MAST2: variants seen among roughly 807,000 people sequenced by gnomAD.
MAST2 encodes the protein microtubule-associated serine/threonine-protein kinase 2.
MAST2 carries 70 observed loss-of-function variants against 147.4 expected under a neutral mutation model. The observed-to-expected ratio is 0.47, with a 90% confidence interval of 0.39 to 0.58. MAST2 has a LOEUF of 0.58. MAST2 is among the 20% of genes least tolerant of loss of function. MAST2 has a pLI of 0.00. For synonymous variants in MAST2, 869 were observed against 896.8 expected (o/e 0.97, Z 0.55); for missense variants, 2,080 against 2,302.3 (o/e 0.90, Z 1.98).
At chr1:45,916,486 A>G (rs747358867) in intron 4 of MAST2, among the ~76,000 whole-genome samples, 3 of 152,212 alleles carry the variant, frequency 2.0e-5, no homozygotes, top group African/African-American at 4.8e-5. Context: ...AGGACTTAAC[A>G]TATCAAAATG....
chr1:46,035,993 G>GC lies in MAST2; in HGVS notation c.5326dup (p.Gln1776ProfsTer18). The stretch of plus-strand genomic sequence containing the variant: ...AAGTCTGAGCCCAGCCTCAGGAGGG[G>GC]CCAAGAACCAGGGGGCCATCAAAAG... On this transcript the variant is annotated frameshift_variant, in exon 29 of 29. Transcript: ENST00000361297. LOFTEE classifies it high-confidence loss of function. This position sits in a 1 kb window ranked among gnomAD's most constrained non-coding sequence, Gnocchi z 5.5. 1 of 1,613,694 alleles carries GC rather than the reference G, an allele frequency of 6.2e-7. No individual in the cohort carries two copies. Among genetic ancestry groups the GC allele is most frequent in the Non-Finnish European group, 8.5e-7 (1 of 1,180,026 alleles).
At chr1:45,833,673 G>A (rs1441544640) in intron 3 of MAST2, among the ~76,000 whole-genome samples, 1 of 152,102 alleles carries the variant, frequency 6.6e-6, no homozygotes, top group Non-Finnish European at 1.5e-5. Context: ...TTTCTCTAGT[G>A]ACTCATGATG....
chr1:45,971,745 A>G (rs772758561), intron 5 of MAST2, among the ~76,000 whole-genome samples: 5 of 152,224 alleles, frequency 3.3e-5, no homozygotes, highest in African/African-American at 1.2e-4. Flanking sequence ...TAGATTGTTT[A>G]TACTTTTCCA....
intron 16 of MAST2, 128 bp downstream of exon 16, chr1:46,025,943 A>C: frequency 8.2e-7 from 1 of 1,223,630 alleles, no homozygotes; most frequent in Non-Finnish European, 1.2e-6. Flanking sequence ...GTGTGTGTCC[A>C]TCTGGGCCTA....
At chr1:45,937,573 A>C (rs1656436155) in intron 4 of MAST2, among the ~76,000 whole-genome samples, 1 of 152,014 alleles carries the variant, frequency 6.6e-6, no homozygotes, top group Non-Finnish European at 1.5e-5. Context: ...AACGTGGTGA[A>C]GCCCCGTCTC....
intron 5 of MAST2, among the ~76,000 whole-genome samples, chr1:45,991,514 C>A (rs1644854338): frequency 6.6e-6 from 1 of 152,166 alleles, no homozygotes; most frequent in Non-Finnish European, 1.5e-5. Flanking sequence ...CCATTATGAT[C>A]ATGCAAGTCT....
chr1:45,830,475 A>G (rs1267194474), intron 3 of MAST2, among the ~76,000 whole-genome samples: 6 of 152,078 alleles, frequency 3.9e-5, no homozygotes, highest in Non-Finnish European at 1.5e-5. Context: ...GCCTGGCCCA[A>G]TTAAGTCTAT....
At chr1:45,886,588 A>G (rs956204959) in intron 4 of MAST2, among the ~76,000 whole-genome samples, 3 of 152,296 alleles carry the variant, frequency 2.0e-5, no homozygotes, top group Admixed American at 2.0e-4. Flanking sequence ...TGCATTAAAA[A>G]TGTAGTTTAG....
intron 10 of MAST2, among the ~76,000 whole-genome samples, chr1:46,016,617 C>A (rs1317434599): frequency 6.6e-6 from 1 of 152,164 alleles, no homozygotes; most frequent in Non-Finnish European, 1.5e-5. Context: ...ATCCAACTTA[C>A]AAGGGACGTG....
chr1:45,961,792 T>G (rs1483142609), intron 5 of MAST2, among the ~76,000 whole-genome samples: 1 of 152,136 alleles, frequency 6.6e-6, no homozygotes, highest in African/African-American at 2.4e-5. Flanking sequence ...TTTATTATAC[T>G]TTAAGTTCTA....
chr1:45,917,978 G>A (rs1449670764), intron 4 of MAST2, among the ~76,000 whole-genome samples: 7 of 152,104 alleles, frequency 4.6e-5, no homozygotes, highest in African/African-American at 1.7e-4. Context: ...AACATTATTT[G>A]ATTACGTACT....
chr1:46,030,669 G>C lies in MAST2; in HGVS notation c.2616G>C (p.Lys872Asn). The C allele has an allele frequency of 1.2e-6, 2 of 1,611,734 alleles. No homozygotes were observed. The highest frequency in any genetic ancestry group is 2.2e-5 in the South Asian group (2 of 90,466). ...AGCGCCGGACACCACCCCCGACCAA[G>C]CGCAGCCTGAGTGAGGAGAAGGAGG... ...LEERRTPPPT[K>N]RSLSEEKEDH... is the part of the protein sequence containing the mutation. Residue 872 changes from lysine (K) to asparagine (N), a missense_variant, in exon 22 of 29, where the codon AAG becomes AAC. Transcript: ENST00000361297.
chr1:45,953,410 A>G (rs1039496646), intron 4 of MAST2, among the ~76,000 whole-genome samples: 1 of 152,188 alleles, frequency 6.6e-6, no homozygotes, highest in Non-Finnish European at 1.5e-5. Flanking sequence ...AAAACCTCCT[A>G]TGCCCTGTGT....
chr1:45,837,468 A>T (rs1645137825), intron 3 of MAST2, among the ~76,000 whole-genome samples: 2 of 152,184 alleles, frequency 1.3e-5, no homozygotes. Context: ...TTTATTGCTG[A>T]AAAGTGTTCC....
At chr1:45,939,319 A>G (rs116663247) in intron 4 of MAST2, among the ~76,000 whole-genome samples, 6 of 152,134 alleles carry the variant, frequency 3.9e-5, no homozygotes, top group Non-Finnish European at 8.8e-5. Context: ...AATTGACCAC[A>G]AGTGTTAACA....
intron 1 of MAST2, among the ~76,000 whole-genome samples, chr1:45,810,745 A>G (rs1192854263): frequency 1.7e-5 from 2 of 117,926 alleles, no homozygotes; most frequent in Non-Finnish European, 3.3e-5. Flanking sequence ...CGGGAGGTGG[A>G]GGTTGCGGTG....
chr1:46,002,992 C>T, intron 7 of MAST2, 109 bp downstream of exon 7: 1 of 1,116,222 alleles, frequency 9.0e-7, no homozygotes, highest in South Asian at 1.3e-5. Context: ...AAGTCAAACT[C>T]AGAGAGGTTG....
chr1:46,025,855 C>A, intron 16 of MAST2, 40 bp downstream of exon 16: 1 of 1,612,832 alleles, frequency 6.2e-7, no homozygotes, highest in Non-Finnish European at 8.5e-7. Context: ...GGGTCTCCCT[C>A]TTGGGTCTCC....
chr1:45,838,213 T>C (rs1159806891), intron 3 of MAST2, among the ~76,000 whole-genome samples: 1 of 123,976 alleles, frequency 8.1e-6, no homozygotes, highest in East Asian at 2.7e-4. Flanking sequence ...ATTATATATA[T>C]TCTTTTTTTT....
Sources: allele counts gnomAD v4.1 joint callset (sites outside exome capture counted in the v4.1 genomes callset), GRCh38; gene constraint gnomAD v4.1.1; non-coding constraint Gnocchi (gnomAD v3.1); transcripts MANE v1.5; gene names NCBI Gene and HGNC (gene_info 2026-07-23, HGNC 2026-07-21).